PTER: variants seen among roughly 807,000 people sequenced by gnomAD.
PTER encodes the protein phosphotriesterase related.
Under a neutral mutation model 29.6 loss-of-function variants are expected in PTER, and 38 were observed. The observed-to-expected ratio is 1.28, with a 90% CI of 0.99 to 1.68. The LOEUF (loss-of-function observed/expected upper bound fraction) is 1.68, where lower values mean the gene tolerates loss of function less well. Ranked by LOEUF, PTER falls within the 40% of genes most tolerant of loss-of-function variation. The pLI, the probability that PTER is intolerant of heterozygous loss-of-function variation, is 0.00. For missense variants in PTER, 482 were observed against 427.8 expected (o/e 1.13, Z -1.12); for synonymous variants, 172 against 154.5 (o/e 1.11, Z -0.84).
intron 1 of PTER, among the ~76,000 whole-genome samples, chr10:16,457,263 A>G (rs1482821967): frequency 6.6e-6 from 1 of 152,000 alleles, no homozygotes; most frequent in Non-Finnish European, 1.5e-5. Flanking sequence ...CCCAGGCTGG[A>G]GTGCAGTGGC....
intron 1 of PTER, among the ~76,000 whole-genome samples, chr10:16,447,104 T>TTC (rs202084101): frequency 1.1e-4 from 16 of 141,744 alleles, no homozygotes; most frequent in East Asian, 2.2e-4. Flanking sequence ...TTCTTTTCTT[T>TTC]TTTTTTTTTT....
In PTER at chr10:16,486,564, A is replaced by G. The variant is rs201055627; in HGVS notation, c.645A>G (p.Ile215Met). The G allele has an allele frequency of 1.2e-6, 2 of 1,614,046 alleles. No homozygotes were observed. The highest frequency in any genetic ancestry group is 1.7e-6 in the Non-Finnish European group (2 of 1,179,960). The change falls in exon 3 of 5, where the codon ATA (isoleucine) becomes ATG (methionine). Residue 215 changes from isoleucine (I) to methionine (M), a missense_variant. Coordinates refer to ENST00000535784, the MANE Select transcript of PTER (RefSeq NM_001261836.2). ...SSRAPFQIIR[I>M]LQEAGADISK... The stretch of plus-strand genomic sequence containing the variant: ...GGGCACCATTTCAGATTATCCGAAT[A>G]TTGCAAGAAGCAGGCGCAGACATCT...
chr10:16,516,872 T>G (rs751091410), downstream of PTER, among the ~76,000 whole-genome samples: 1 of 152,302 alleles, frequency 6.6e-6, no homozygotes, highest in East Asian at 1.9e-4. Context: ...TGCTTTTTAA[T>G]GAATGTAATT....
At chr10:16,484,943 C>T in intron 2 of PTER, 127 bp downstream of exon 2, 1 of 1,071,038 alleles carries the variant, frequency 9.3e-7, no homozygotes, top group Non-Finnish European at 1.3e-6. Flanking sequence ...AAGACATCTG[C>T]CAGTTGGGGC....
intron 2 of PTER, among the ~76,000 whole-genome samples, chr10:16,485,029 A>G (rs1383379867): frequency 6.6e-6 from 1 of 152,196 alleles, no homozygotes; most frequent in Non-Finnish European, 1.5e-5. Flanking sequence ...AAAAAAGAAA[A>G]TAATAATAAT....
intron 1 of PTER, among the ~76,000 whole-genome samples, chr10:16,482,404 T>A (rs1373777677): frequency 6.6e-6 from 1 of 152,178 alleles, no homozygotes; most frequent in East Asian, 1.9e-4. Context: ...AGGATATACG[T>A]GAATAGTTCC....
At position 16,512,739 on chromosome 10, in the gene PTER, T is replaced by A. The variant is rs1423711383; in HGVS notation, c.*1483T>A. Reference sequence around the variant, plus strand: ...AATAAATAAAAAAAAAAAATGCAAATGTCCTTCACCAGTAAAGCAAGCAAA... The same window carrying A: ...AATAAATAAAAAAAAAAAATGCAAAAGTCCTTCACCAGTAAAGCAAGCAAA... On this transcript the variant is annotated 3_prime_UTR_variant, in exon 5 of 5. Coordinates refer to ENST00000535784, the MANE Select transcript of PTER (RefSeq NM_001261836.2). 1.3e-5 allele frequency: 2 copies of A among 152,000 alleles called. No individual in the cohort carries two copies. Among genetic ancestry groups the A allele is most frequent in the African/African-American group, 4.8e-5 (2 of 41,398 alleles). The allele number at this position is 152,000 out of a possible 1,614,324, so 9.4% of individuals were successfully genotyped here.
At chr10:16,488,467 A>G (rs35353321) in intron 3 of PTER, among the ~76,000 whole-genome samples, 29,935 of 152,192 alleles carry the variant, frequency 0.2, 3,155 homozygotes, top group Middle Eastern at 0.34. Flanking sequence ...ATTTTATAAA[A>G]TGTTTTAGAT....
chr10:16,477,664 T>A (rs1230633884), intron 1 of PTER, among the ~76,000 whole-genome samples: 1 of 152,176 alleles, frequency 6.6e-6, no homozygotes, highest in African/African-American at 2.4e-5. Context: ...TTAACCAAGT[T>A]GCCCAAACCC....
intron 1 of PTER, among the ~76,000 whole-genome samples, chr10:16,438,323 G>T (rs1159708493): frequency 6.6e-6 from 1 of 150,900 alleles, no homozygotes; most frequent in African/African-American, 2.4e-5. Context: ...TTAAGACTAG[G>T]TCTCATTATT....
chr10:16,437,756 A>AT (rs776678854), intron 1 of PTER, among the ~76,000 whole-genome samples: 52 of 152,212 alleles, frequency 3.4e-4, no homozygotes, highest in Non-Finnish European at 3.5e-4. Flanking sequence ...GTACAGAAAA[A>AT]TTAGGCCACA....
At chr10:16,467,314 G>A (rs1834871617) in intron 1 of PTER, among the ~76,000 whole-genome samples, 1 of 152,064 alleles carries the variant, frequency 6.6e-6, no homozygotes, top group East Asian at 1.9e-4. Context: ...TTTATCATAA[G>A]TATGTATATA....
chr10:16,509,569 C>G (rs760859214), intron 4 of PTER, among the ~76,000 whole-genome samples: 3 of 152,140 alleles, frequency 2.0e-5, no homozygotes, highest in African/African-American at 4.8e-5. Flanking sequence ...CCTCCTATAC[C>G]GTGATACTTC....
At chr10:16,454,342 A>C (rs1006553279) in intron 1 of PTER, among the ~76,000 whole-genome samples, 1 of 152,182 alleles carries the variant, frequency 6.6e-6, no homozygotes, top group Non-Finnish European at 1.5e-5. Flanking sequence ...TGGGAGGCTG[A>C]GGTGGGTGGA....
At chr10:16,508,743 T>C (rs750445646) in intron 4 of PTER, among the ~76,000 whole-genome samples, 2 of 152,208 alleles carry the variant, frequency 1.3e-5, no homozygotes, top group Non-Finnish European at 2.9e-5. Context: ...GTGTGTGTGC[T>C]TAATCTTCCT....
In PTER at chr10:16,486,514, A is replaced by G; in HGVS notation, c.595A>G (p.Ile199Val). The change falls in exon 3 of 5, where the codon ATT becomes GTT. Residue 199 changes from isoleucine (I) to valine (V), a missense_variant. Physicochemically the swap from Ile to Val is conservative, Grantham distance 29. Transcript: ENST00000535784. Reference sequence around the variant, plus strand: ...CCAGGCTCAGCTTGGTTGTCCTGTTATTATCCATCCTGGACGGAGCTCCAG... The same window carrying G: ...CCAGGCTCAGCTTGGTTGTCCTGTTGTTATCCATCCTGGACGGAGCTCCAG... ...HAQAQLGCPV[I>V]IHPGRSSRAP... is the part of the protein sequence containing the mutation. 6.2e-7 allele frequency: 1 copy of G among 1,614,022 alleles called. No individual in the cohort carries two copies. The highest frequency in any genetic ancestry group is 1.1e-5 in the South Asian group (1 of 91,080).
chr10:16,515,224 G>GAAA (rs71952606), downstream of PTER, among the ~76,000 whole-genome samples: 2 of 134,864 alleles, frequency 1.5e-5, no homozygotes, highest in African/African-American at 5.3e-5. Context: ...TACTTACAAA[G>GAAA]AAAAAAAAAA....
At chr10:16,462,080 G>T (rs1834633123) in intron 1 of PTER, among the ~76,000 whole-genome samples, 1 of 151,560 alleles carries the variant, frequency 6.6e-6, no homozygotes, top group Non-Finnish European at 1.5e-5. Context: ...CTGCCTCCCG[G>T]GTTCAAGCAA....
intron 1 of PTER, among the ~76,000 whole-genome samples, chr10:16,474,318 C>T (rs1471272438): frequency 1.3e-5 from 2 of 152,098 alleles, no homozygotes; most frequent in Admixed American, 6.5e-5. Flanking sequence ...GTACAAAAGT[C>T]AAGAAAAGAA....
Sources: gnomAD v4.1 joint callset for allele counts (sites outside exome capture counted in the v4.1 genomes callset) on GRCh38, gnomAD v4.1.1 for gene constraint, MANE v1.5 for transcripts, NCBI Gene and HGNC (gene_info 2026-07-23, HGNC 2026-07-21) for gene names.